The following NKAIN1 variants were observed in gnomAD, a reference collection of about 807,000 sequenced individuals.
The protein encoded by NKAIN1 is sodium/potassium transporting ATPase interacting 1, also known as sodium/potassium-transporting ATPase subunit beta-1-interacting protein 1.
NKAIN1 carries 13 observed loss-of-function variants against 31.6 expected under a neutral mutation model. That is an observed-to-expected ratio of 0.41 (90% CI 0.27 to 0.65). The LOEUF is 0.65. Ranked by LOEUF, NKAIN1 falls within the 30% of genes least tolerant of loss-of-function variation. NKAIN1 has a pLI of 0.30. For synonymous variants in NKAIN1, 104 were observed against 109.0 expected, an observed-to-expected ratio of 0.95 and a Z score of 0.28; for missense variants, 193 against 262.2, an observed-to-expected ratio of 0.74 and a Z score of 1.82.
chr1:31,198,588 G>A (rs1316587), intron 1 of NKAIN1, among the ~76,000 whole-genome samples: 93,019 of 151,206 alleles, frequency 0.62, 30,206 homozygotes, highest in Middle Eastern at 0.76. Flanking sequence ...ACTTTTTTCC[G>A]TCCACTTTCT....
chr1:31,188,980 T>C (rs1339455714), intron 1 of NKAIN1, among the ~76,000 whole-genome samples: 6 of 149,428 alleles, frequency 4.0e-5, no homozygotes, highest in Non-Finnish European at 7.4e-5. Context: ...GCCACTGCAC[T>C]CCAGCCTGGG....
At chr1:31,195,945 T>C (rs1645323342) in intron 1 of NKAIN1, among the ~76,000 whole-genome samples, 1 of 150,262 alleles carries the variant, frequency 6.7e-6, no homozygotes. Flanking sequence ...ATCAGCCTTA[T>C]CTATCTCAAC....
At chr1:31,198,095 G>C (rs1645345266) in intron 1 of NKAIN1, among the ~76,000 whole-genome samples, 1 of 152,180 alleles carries the variant, frequency 6.6e-6, no homozygotes, top group South Asian at 2.1e-4. Context: ...GGCAAGCTTT[G>C]TGAGGGCAGG....
intron 1 of NKAIN1, among the ~76,000 whole-genome samples, chr1:31,220,575 C>T (rs1466711760): frequency 1.3e-5 from 2 of 151,688 alleles, no homozygotes; most frequent in Non-Finnish European, 2.9e-5. Flanking sequence ...GCCAACATGG[C>T]GAAACCCTGT....
chr1:31,194,283 C>A (rs1645306945), intron 1 of NKAIN1, among the ~76,000 whole-genome samples: 2 of 152,218 alleles, frequency 1.3e-5, no homozygotes, highest in Admixed American at 1.3e-4. Context: ...CAGAGGAAGC[C>A]CCACATTCCT....
intron 1 of NKAIN1, among the ~76,000 whole-genome samples, chr1:31,199,985 C>T (rs189505036): frequency 0.017 from 2,511 of 151,356 alleles, 186 homozygotes; most frequent in Admixed American, 0.14. Context: ...CCTCCCTGGT[C>T]CCCGAACACA....
intron 1 of NKAIN1, among the ~76,000 whole-genome samples, chr1:31,190,958 C>T (rs1645279836): frequency 6.6e-6 from 1 of 152,174 alleles, no homozygotes; most frequent in Non-Finnish European, 1.5e-5. Flanking sequence ...ACAGAGCAAT[C>T]CAGGCTCATG....
chr1:31,236,515 C>T (rs1645693556), intron 1 of NKAIN1, among the ~76,000 whole-genome samples: 1 of 152,164 alleles, frequency 6.6e-6, no homozygotes, highest in African/African-American at 2.4e-5. Context: ...ATTCCAACAT[C>T]CCGGGGCACA....
At chr1:31,204,060 C>T (rs533230143) in intron 1 of NKAIN1, among the ~76,000 whole-genome samples, 1 of 152,184 alleles carries the variant, frequency 6.6e-6, no homozygotes, top group South Asian at 2.1e-4. Context: ...CTTTCAGGGA[C>T]AAGTTCCAAA....
chr1:31,182,398 C>A, intron 5 of NKAIN1, 132 bp downstream of exon 5: 1 of 942,874 alleles, frequency 1.1e-6, no homozygotes, highest in Admixed American at 2.1e-5. Context: ...CCATACCAGC[C>A]GCCTCTTCCC....
chr1:31,239,635 T>G lies in NKAIN1; in HGVS notation c.-88A>C. The G allele has an allele frequency of 1.4e-6, 1 of 702,576 alleles. No homozygotes were observed. The highest frequency in any genetic ancestry group is 6.1e-5 in the Admixed American group (1 of 16,324). 43.5% of individuals were successfully genotyped at this position (702,576 alleles called of 1,614,324 possible). A position where few individuals can be genotyped will look rare whatever the true frequency, so the allele number is the denominator to read the frequency against. On this transcript the variant is annotated 5_prime_UTR_variant, in exon 1 of 7. Coordinates refer to ENST00000373736, the MANE Select transcript of NKAIN1 (RefSeq NM_024522.3). This position sits in a 1 kb window ranked among gnomAD's most constrained non-coding sequence, Gnocchi z 4.8. ...CTCGCGCCGCGCGGGCTCCACGTCC[T>G]CCCCGCTGGGCGCGCCGGGCGGCGG... is the stretch of plus-strand genomic sequence containing the variant.
intron 1 of NKAIN1, among the ~76,000 whole-genome samples, chr1:31,210,291 CTTTTT>C (rs5773343): frequency 1.5e-5 from 2 of 136,214 alleles, no homozygotes; most frequent in African/African-American, 2.7e-5. Context: ...TTTTGCCATT[CTTTTT>C]TTTTTTTTTT....
In NKAIN1 at chr1:31,203,378, C is replaced by A. The variant is rs527731357; in HGVS notation, c.55-15191G>T. Among the ~76,000 whole-genome samples the A allele has an allele frequency of 1.8e-4, 26 of 144,770 alleles. No individual in the cohort carries two copies. In the South Asian group the frequency reaches 2.4e-3, roughly 14 times the overall value. The allele number at this position is 144,770 out of a possible 152,430, so 95.0% of individuals were successfully genotyped here. A position where few individuals can be genotyped will look rare whatever the true frequency, so the allele number is the denominator to read the frequency against. ...CTCCACACGATTCAACACAATGCAG[C>A]CATTATGATGGAGTGTGGGAAGAGG... On this transcript the variant is annotated intron_variant, in intron 1 of 6. Transcript: ENST00000373736.
At chr1:31,209,270 G>C (rs547723928) in intron 1 of NKAIN1, among the ~76,000 whole-genome samples, 1 of 152,324 alleles carries the variant, frequency 6.6e-6, no homozygotes, top group African/African-American at 2.4e-5. Context: ...AGCTACTTGG[G>C]AGGCTGAGGC....
chr1:31,196,467 C>T (rs1219397988), intron 1 of NKAIN1, among the ~76,000 whole-genome samples: 4 of 146,242 alleles, frequency 2.7e-5, no homozygotes, highest in Non-Finnish European at 4.4e-5. Flanking sequence ...GAGCTGAGAT[C>T]GTGCCACTGC....
chr1:31,180,119 A>AT lies in NKAIN1; in HGVS notation c.*1583dup, dbSNP rs1298900349. On this transcript the variant is annotated 3_prime_UTR_variant, in exon 7 of 7. Coordinates refer to ENST00000373736, the MANE Select transcript of NKAIN1 (RefSeq NM_024522.3). ...GGTGGGGTTGCCAGCCTTGCTCAGG[A>AT]TATTTTGGCCTTAGAGAGTAGGGAA... 2 of 152,332 alleles carry AT rather than the reference A, an allele frequency of 1.3e-5. No homozygotes were observed. The highest frequency in any genetic ancestry group is 4.8e-5 in the African/African-American group (2 of 41,420). 9.4% of individuals were successfully genotyped at this position (152,332 alleles called of 1,614,324 possible).
At chr1:31,190,866 G>A (rs900983367) in intron 1 of NKAIN1, among the ~76,000 whole-genome samples, 3 of 152,152 alleles carry the variant, frequency 2.0e-5, no homozygotes, top group African/African-American at 7.2e-5. Context: ...TTGGTGTTCT[G>A]GGGTCCAGCT....
intron 1 of NKAIN1, among the ~76,000 whole-genome samples, chr1:31,212,107 C>T (rs1217221173): frequency 6.6e-6 from 1 of 152,086 alleles, no homozygotes; most frequent in Non-Finnish European, 1.5e-5. Flanking sequence ...TAAGGATAGA[C>T]ATACAGATAA....
At chr1:31,202,372 T>TA (rs1270157409) in intron 1 of NKAIN1, among the ~76,000 whole-genome samples, 34 of 151,670 alleles carry the variant, frequency 2.2e-4, no homozygotes, top group South Asian at 6.3e-4. Context: ...AGGGGAAGTC[T>TA]AAAAAAAAAT....
Sources: gnomAD v4.1 joint callset for allele counts (sites outside exome capture counted in the v4.1 genomes callset) on GRCh38, gnomAD v4.1.1 for gene constraint, Gnocchi (gnomAD v3.1) non-coding constraint, MANE v1.5 for transcripts, NCBI Gene and HGNC (gene_info 2026-07-23, HGNC 2026-07-21) for gene names.